ZNF608: variants seen among roughly 807,000 people sequenced by gnomAD.
The protein encoded by ZNF608 is renal carcinoma antigen NY-REN-36.
A neutral mutation model predicts 109.0 loss-of-function variants in ZNF608; 12 were observed. The ratio of observed to expected loss-of-function variants is 0.11; its 90% CI spans 0.07 to 0.18. ZNF608 has a LOEUF of 0.18. ZNF608 is among the 10% of genes least tolerant of loss of function. The pLI, the probability that ZNF608 is intolerant of heterozygous loss-of-function variation, is 1.00. For missense variants in ZNF608, 1,707 were observed against 1,879.3 expected (o/e 0.91, Z 1.70); for synonymous variants, 732 against 717.4 (o/e 1.02, Z -0.33).
At chr5:124,725,861 T>A (rs1480833886) in intron 2 of ZNF608, among the ~76,000 whole-genome samples, 3 of 152,118 alleles carry the variant, frequency 2.0e-5, no homozygotes, top group Non-Finnish European at 4.4e-5. Flanking sequence ...ATCATTCCCA[T>A]CAGCATACAA....
chr5:124,664,733 A>G (rs769557616), intron 3 of ZNF608, among the ~76,000 whole-genome samples: 2 of 152,214 alleles, frequency 1.3e-5, no homozygotes, highest in Non-Finnish European at 1.5e-5. Flanking sequence ...AATGCACTTT[A>G]TAAGTTTACA....
At position 124,661,463 on chromosome 5, in the gene ZNF608, AG is replaced by A. The variant is rs200211112; in HGVS notation, c.1163-11767del. On this transcript the variant is annotated intron_variant, in intron 3 of 9. Coordinates refer to ENST00000513986, the MANE Select transcript of ZNF608 (RefSeq NM_020747.3). ...CACCCTCCCCCATTCCACATTCCAA[AG>A]TTCTTATCTTTCAGGGAAGAAAAAA... Among the ~76,000 whole-genome samples the A allele has an allele frequency of 8.1e-3, 1,186 of 146,470 alleles. 27 individuals carry two copies. The highest frequency in any genetic ancestry group is 0.028 in the African/African-American group (1,120 of 39,750).
At chr5:124,736,041 G>GAA (rs11407317) in intron 2 of ZNF608, among the ~76,000 whole-genome samples, 192 of 143,374 alleles carry the variant, frequency 1.3e-3, no homozygotes, top group East Asian at 3.8e-3. Flanking sequence ...CACTTATTTT[G>GAA]AAAAAAAAAA....
intron 3 of ZNF608, among the ~76,000 whole-genome samples, chr5:124,676,730 A>G (rs1431428884): frequency 4.6e-5 from 7 of 152,238 alleles, no homozygotes; most frequent in African/African-American, 1.7e-4. Context: ...GGTATATTCA[A>G]ACAACATGAT....
chr5:124,744,429 G>A lies in ZNF608; in HGVS notation c.561C>T (p.Ser187=), dbSNP rs1398085578. ...ATAGAGSCGK[S]KEEKPGKSQS... is the part of the protein sequence containing the mutation. ...GGCTTTTACCTGGCTTCTCCTCTTT[G>A]CTTTTCCCACAGGAGCCTGCCCCCG... is the stretch of plus-strand genomic sequence containing the variant. The change falls in exon 2 of 10, where the codon AGC becomes AGT. Residue 187 remains serine, a synonymous_variant. Transcript: ENST00000513986. This position sits in a 1 kb window ranked among gnomAD's most constrained non-coding sequence, Gnocchi z 4.5. 6.2e-7 allele frequency: 1 copy of A among 1,614,098 alleles called. No homozygotes were observed. The highest frequency in any genetic ancestry group is 1.3e-5 in the African/African-American group (1 of 74,926).
At chr5:124,654,495 G>C (rs1309969044) in intron 3 of ZNF608, among the ~76,000 whole-genome samples, 1 of 152,226 alleles carries the variant, frequency 6.6e-6, no homozygotes, top group Non-Finnish European at 1.5e-5. Flanking sequence ...TCTCACTTCT[G>C]TGAATCCTTG....
intron 2 of ZNF608, among the ~76,000 whole-genome samples, chr5:124,732,567 C>T (rs1343118570): frequency 1.3e-5 from 2 of 150,498 alleles, no homozygotes; most frequent in East Asian, 2.0e-4. Context: ...AAAAGACATA[C>T]TGACATTCAG....
chr5:124,706,233 T>A (rs960601884), intron 2 of ZNF608, among the ~76,000 whole-genome samples: 2 of 152,158 alleles, frequency 1.3e-5, no homozygotes, highest in East Asian at 1.9e-4. Flanking sequence ...GTTTGATCGC[T>A]CTGGGGAATC....
At chr5:124,658,003 A>G (rs1323611677) in intron 3 of ZNF608, among the ~76,000 whole-genome samples, 1 of 152,212 alleles carries the variant, frequency 6.6e-6, no homozygotes, top group Non-Finnish European at 1.5e-5. Flanking sequence ...AAATAAAATA[A>G]AATATATGTA....
At chr5:124,691,411 C>T (rs1752626414) in intron 3 of ZNF608, among the ~76,000 whole-genome samples, 2 of 152,124 alleles carry the variant, frequency 1.3e-5, no homozygotes, top group African/African-American at 4.8e-5. Flanking sequence ...CAATCAAAAC[C>T]ATGAGACACC....
At chr5:124,656,799 AACACACACACACACACACACACACACAC>A (rs35634231) in intron 3 of ZNF608, among the ~76,000 whole-genome samples, 1 of 123,920 alleles carries the variant, frequency 8.1e-6, no homozygotes, top group South Asian at 3.1e-4. Context: ...ATAAGCCCTA[AACACACACACACACACACACACACACAC>A]ACACACACAC....
At chr5:124,702,262 G>A (rs2149852064) in intron 2 of ZNF608, among the ~76,000 whole-genome samples, 1 of 152,258 alleles carries the variant, frequency 6.6e-6, no homozygotes, top group Admixed American at 6.5e-5. Flanking sequence ...CACACACAAA[G>A]CCCATTTGTA....
In ZNF608 at chr5:124,648,027, T is replaced by G; in HGVS notation, c.2357A>C (p.Lys786Thr). The stretch of plus-strand genomic sequence containing the variant: ...AATTGTGGGCTTTGGTTGAATGGGT[T>G]TTAACGGAGGACTCTTTGGTGTAGC... ...VQATPKSPPL[K>T]PIQPKPTIMG... Residue 786 changes from lysine (K) to threonine (T), a missense_variant, in exon 5 of 10, where the codon AAA becomes ACA. Lys to Thr is a moderately conservative substitution (Grantham distance 78, BLOSUM62 -1). Transcript: ENST00000513986. The G allele has an allele frequency of 6.2e-7, 1 of 1,614,222 alleles. No homozygotes were observed. The highest frequency in any genetic ancestry group is 8.5e-7 in the Non-Finnish European group (1 of 1,180,044).
chr5:124,708,892 C>T (rs1262883818), intron 2 of ZNF608: 1 of 421,540 alleles, frequency 2.4e-6, no homozygotes, highest in African/African-American at 2.0e-5. Flanking sequence ...AAATCCAAGG[C>T]CCGGTGCAGT....
chr5:124,644,232 G>A lies in ZNF608; in HGVS notation c.4123+12C>T, dbSNP rs199738914. ...TCTTTCCTCCAATATAGTCAGAACCGACAACACGTACCAGGATAACTGTGC... is the reference window on the plus strand; with the variant it reads ...TCTTTCCTCCAATATAGTCAGAACCAACAACACGTACCAGGATAACTGTGC... On this transcript the variant is annotated intron_variant, in intron 6 of 9. Transcript: ENST00000513986. 140 of 1,588,920 alleles carry A rather than the reference G, an allele frequency of 8.8e-5. No homozygotes were observed. Among genetic ancestry groups the A allele is most frequent in the Non-Finnish European group, 1.1e-4 (127 of 1,162,240 alleles).
At chr5:124,691,614 C>T (rs576158066) in intron 3 of ZNF608, among the ~76,000 whole-genome samples, 4 of 152,182 alleles carry the variant, frequency 2.6e-5, no homozygotes, top group South Asian at 2.1e-4. Context: ...AAAGAAAATG[C>T]GGAATATACA....
intron 7 of ZNF608, among the ~76,000 whole-genome samples, chr5:124,643,103 C>A (rs751980291): frequency 1.3e-5 from 2 of 152,022 alleles, no homozygotes; most frequent in Non-Finnish European, 2.9e-5. Context: ...GCTTGATTTG[C>A]CCAAAAAGTC....
At chr5:124,666,086 G>A (rs1406001059) in intron 3 of ZNF608, among the ~76,000 whole-genome samples, 1 of 152,238 alleles carries the variant, frequency 6.6e-6, no homozygotes, top group Non-Finnish European at 1.5e-5. Context: ...TGAAGGTTAG[G>A]AGGCATGAAA....
rs1750590236 is a variant in ZNF608, at chr5:124,647,673, A to T, written c.2711T>A (p.Leu904Gln). 3 of 1,614,028 alleles carry T rather than the reference A, an allele frequency of 1.9e-6. No homozygotes were observed. Among genetic ancestry groups the T allele is most frequent in the South Asian group, 2.2e-5 (2 of 91,078 alleles). ...PSPSIGSASRLECSTLVNGQA... is the reference protein window; with the variant it reads ...PSPSIGSASRQECSTLVNGQA... ...CCCGTTCACCAAAGTGCTGCATTCC[A>T]GCCTCGAGGCGCTCCCTATGGAAGG... is the stretch of plus-strand genomic sequence containing the variant. Residue 904 changes from leucine (L) to glutamine (Q), a missense_variant, in exon 5 of 10, where the codon CTG (leucine) becomes CAG (glutamine). This residue lies in a region of ZNF608 where 1,073 missense variants were observed against 1,133.5 expected (regional missense o/e 0.95). Coordinates refer to ENST00000513986, the MANE Select transcript of ZNF608 (RefSeq NM_020747.3).
Sources: allele counts gnomAD v4.1 joint callset (sites outside exome capture counted in the v4.1 genomes callset), GRCh38; gene constraint gnomAD v4.1.1; regional missense constraint gnomAD v4.1.1; non-coding constraint Gnocchi (gnomAD v3.1); transcripts MANE v1.5; gene names NCBI Gene and HGNC (gene_info 2026-07-23, HGNC 2026-07-21).